IDH2: variants seen among roughly 807,000 people sequenced by gnomAD.
The protein encoded by IDH2 is isocitrate dehydrogenase [NADP], mitochondrial.
IDH2 carries 18 observed loss-of-function variants against 50.5 expected under a neutral mutation model. The ratio of observed to expected loss-of-function variants is 0.36; its 90% CI spans 0.25 to 0.53. The LOEUF is 0.53. Among genes scored for constraint, IDH2 ranks in the 20% least tolerant of loss-of-function variants. The probability of loss-of-function intolerance (pLI) is 0.92; values close to 1 mark genes in which losing one functional copy is unlikely to be tolerated. For missense variants in IDH2, 518 were observed against 610.7 expected, an observed-to-expected ratio of 0.85 and a Z score of 1.60; for synonymous variants, 280 against 239.8, an observed-to-expected ratio of 1.17 and a Z score of -1.55.
rs374137419 is a variant in IDH2, at chr15:90,088,084, ATTTCTTTTCT to A, written c.678+265_678+274del. Among the ~76,000 whole-genome samples, 203 of 151,878 alleles carry A rather than the reference ATTTCTTTTCT, an allele frequency of 1.3e-3. 1 individual carries two copies. The highest frequency in any genetic ancestry group is 2.7e-3 in the Admixed American group (41 of 15,254). Reference sequence around the variant, plus strand: ...AGTACGCCTGGAGCTGCTCGTGGCCATTTCTTTTCTTTTCTTTTCTTTTCTTTTTGTTTCA... The same window carrying A: ...AGTACGCCTGGAGCTGCTCGTGGCCATTTCTTTTCTTTTCTTTTTGTTTCA... On this transcript the variant is annotated intron_variant, in intron 5 of 10. Transcript: ENST00000330062.
intron 1 of IDH2, among the ~76,000 whole-genome samples, chr15:90,092,856 G>A (rs1418111998): frequency 6.6e-6 from 1 of 152,214 alleles, no homozygotes; most frequent in East Asian, 1.9e-4. Flanking sequence ...TGGGATTACA[G>A]GCGTGAGCCA....
intron 3 of IDH2, 67 bp downstream of exon 3, chr15:90,090,412 A>T: frequency 2.6e-6 from 4 of 1,559,730 alleles, no homozygotes; most frequent in Non-Finnish European, 3.5e-6. Context: ...CCCCACCCCA[A>T]GTCTGGAGAG....
At chr15:90,090,435 AG>A (rs1196135327) in intron 3 of IDH2, 43 bp downstream of exon 3, 1 of 1,604,538 alleles carries the variant, frequency 6.2e-7, no homozygotes, top group Non-Finnish European at 8.5e-7. Context: ...CGGTGGGAGA[AG>A]CCTGTGACCC....
intron 5 of IDH2, among the ~76,000 whole-genome samples, chr15:90,088,065 C>G (rs1181429292): frequency 6.6e-6 from 1 of 151,832 alleles, no homozygotes. Flanking sequence ...CAGGAGTACG[C>G]CTGGAGCTGC....
intron 1 of IDH2, among the ~76,000 whole-genome samples, chr15:90,097,804 A>G (rs1901221165): frequency 6.6e-6 from 1 of 152,238 alleles, no homozygotes; most frequent in African/African-American, 2.4e-5. Flanking sequence ...AACAATGACT[A>G]AGATGGTAAG....
At chr15:90,088,230 C>A (rs1470134143) in intron 5 of IDH2, 129 bp downstream of exon 5, 4 of 1,199,696 alleles carry the variant, frequency 3.3e-6, no homozygotes, top group Non-Finnish European at 4.9e-6. Flanking sequence ...CCATGCCCAG[C>A]CCTGGTGGCC....
chr15:90,084,241 C>T lies in IDH2; in HGVS notation c.*25G>A. On this transcript the variant is annotated 3_prime_UTR_variant, in exon 11 of 11. Coordinates refer to ENST00000330062, the MANE Select transcript of IDH2 (RefSeq NM_002168.4). This position sits in a 1 kb window ranked among gnomAD's most constrained non-coding sequence, Gnocchi z 5.0. ...CGCCGGCTCAGCCCTGGCCCCTCCA[C>T]TGCAGCCATGGGTGGCGCCTCCCCC... is the stretch of plus-strand genomic sequence containing the variant. 6.2e-7 allele frequency: 1 copy of T among 1,608,008 alleles called. No homozygotes were observed. The highest frequency in any genetic ancestry group is 8.5e-7 in the Non-Finnish European group (1 of 1,175,826).
Position 90,100,746 on chromosome 15 carries a change from A to G in IDH2, c.115+1530T>C. The G allele has an allele frequency of 1.5e-6, 1 of 684,126 alleles. No individual in the cohort carries two copies. Among genetic ancestry groups the G allele is most frequent in the Non-Finnish European group, 1.8e-6 (1 of 554,652 alleles). 42.4% of individuals were successfully genotyped at this position (684,126 alleles called of 1,614,324 possible). On this transcript the variant is annotated intron_variant, in intron 1 of 10. Transcript: ENST00000330062. This position sits in a 1 kb window ranked among gnomAD's most constrained non-coding sequence, Gnocchi z 4.1. ...CTGTCTCCAGCTGCGTTGCCAGGTA[A>G]CAAGCTGGCAGAGTCGCAACTGTAG...
chr15:90,091,526 GC>G (rs1285946700), intron 2 of IDH2, 26 bp downstream of exon 2: 1 of 1,580,606 alleles, frequency 6.3e-7, no homozygotes, highest in African/African-American at 1.3e-5. Context: ...CACCTGGAGA[GC>G]CACCCACTTC....
intron 7 of IDH2, 95 bp downstream of exon 7, chr15:90,087,017 C>T: frequency 7.3e-7 from 1 of 1,369,050 alleles, no homozygotes; most frequent in South Asian, 1.2e-5. Flanking sequence ...GAGTCCTGCT[C>T]CACTAGAGTT....
chr15:90,091,847 C>T (rs996901642), intron 1 of IDH2, among the ~76,000 whole-genome samples: 2 of 152,192 alleles, frequency 1.3e-5, no homozygotes, highest in Non-Finnish European at 2.9e-5. Context: ...GGACTAGTAC[C>T]GTGGGCTCTG....
In IDH2 at chr15:90,088,620, G is replaced by A. The variant is rs1191538570; in HGVS notation, c.501C>T (p.Pro167=). 2 of 1,614,106 alleles carry A rather than the reference G, an allele frequency of 1.2e-6. No homozygotes were observed. Among genetic ancestry groups the A allele is most frequent in the South Asian group, 2.2e-5 (2 of 91,094 alleles). Reference sequence around the variant, plus strand: ...CATGGGCGTGCCTGCCAATGGTGATGGGCTTGGTCCAGCCAGGGACTAGGC... The same window carrying A: ...CATGGGCGTGCCTGCCAATGGTGATAGGCTTGGTCCAGCCAGGGACTAGGC... ...IPRLVPGWTK[P]ITIGRHAHGD... Residue 167 remains proline, a synonymous_variant, in exon 4 of 11, where the codon CCC becomes CCT. Transcript: ENST00000330062.
chr15:90,099,699 C>G (rs1901280125), intron 1 of IDH2, among the ~76,000 whole-genome samples: 1 of 152,132 alleles, frequency 6.6e-6, no homozygotes, highest in South Asian at 2.1e-4. Flanking sequence ...CTCAAGCAAT[C>G]CTCCCACCTC....
At chr15:90,093,617 T>A (rs150127143) in intron 1 of IDH2, among the ~76,000 whole-genome samples, 6,284 of 146,306 alleles carry the variant, frequency 0.043, 328 homozygotes, top group African/African-American at 0.12. Context: ...TTAATTTATT[T>A]ATTTATTTAT....
chr15:90,094,310 G>T (rs1901125711), intron 1 of IDH2, among the ~76,000 whole-genome samples: 2 of 152,242 alleles, frequency 1.3e-5, no homozygotes, highest in South Asian at 2.1e-4. Flanking sequence ...AAGGCTTGTT[G>T]AACCTCAGCC....
In IDH2 at chr15:90,088,497, C is replaced by A. The variant is rs1447006528; in HGVS notation, c.540G>T (p.Lys180Asn). 3 of 1,614,098 alleles carry A rather than the reference C, an allele frequency of 1.9e-6. No individual in the cohort carries two copies. The South Asian group carries it at 3.3e-5, about 18-fold the overall frequency. Residue 180 changes from lysine to asparagine, a missense_variant, in exon 5 of 11, where the codon AAG (lysine) becomes AAT (asparagine). This residue lies in a region of IDH2 where 207 missense variants were observed against 208.6 expected (regional missense o/e 0.99). Coordinates refer to ENST00000330062, the MANE Select transcript of IDH2 (RefSeq NM_002168.4). ...IGRHAHGDQY[K>N]ATDFVADRAG... ...CCCGGTCTGCCACAAAGTCTGTGGCCTTGTACTGCAGAGACAAGAGGATGG... is the reference window on the plus strand; with the variant it reads ...CCCGGTCTGCCACAAAGTCTGTGGCATTGTACTGCAGAGACAAGAGGATGG...
chr15:90,097,948 C>T (rs1200674954), intron 1 of IDH2, among the ~76,000 whole-genome samples: 3 of 152,170 alleles, frequency 2.0e-5, no homozygotes, highest in Admixed American at 2.0e-4. Flanking sequence ...GCGGCCTCTC[C>T]CTTCACTCCA....
At chr15:90,087,974 G>A (rs371200967) in intron 5 of IDH2, among the ~76,000 whole-genome samples, 58 of 152,202 alleles carry the variant, frequency 3.8e-4, no homozygotes, top group Middle Eastern at 3.4e-3. Flanking sequence ...TGGCTCAGAG[G>A]TGGTCATGTG....
At position 90,085,114 on chromosome 15, in the gene IDH2, G is replaced by T. The variant is rs1330499001; in HGVS notation, c.1081-16C>A. On this transcript the variant is annotated splice_polypyrimidine_tract_variant and intron_variant, in intron 8 of 10. Transcript: ENST00000330062. This position sits in a 1 kb window ranked among gnomAD's most constrained non-coding sequence, Gnocchi z 5.5. ...TGGGCCGGCCCTGGGGACGGGGGTT[G>T]CAGGGAGATCAAGAGCCGAGCCAGC... is the stretch of plus-strand genomic sequence containing the variant. The T allele has an allele frequency of 1.2e-6, 2 of 1,611,306 alleles. No individual in the cohort carries two copies. The highest frequency in any genetic ancestry group is 2.7e-5 in the African/African-American group (2 of 74,878).
Sources: allele counts gnomAD v4.1 joint callset (sites outside exome capture counted in the v4.1 genomes callset), GRCh38; gene constraint gnomAD v4.1.1; regional missense constraint gnomAD v4.1.1; non-coding constraint Gnocchi (gnomAD v3.1); transcripts MANE v1.5; gene names NCBI Gene and HGNC (gene_info 2026-07-23, HGNC 2026-07-21).